FAT1: variants seen among roughly 807,000 people sequenced by gnomAD.
FAT1 encodes FAT atypical cadherin 1, also known as protocadherin Fat 1.
A neutral mutation model predicts 329.8 loss-of-function variants in FAT1; 171 were observed. The ratio of observed to expected loss-of-function variants is 0.52; its 90% confidence interval spans 0.46 to 0.59. The LOEUF is 0.59. FAT1 is among the 20% of genes least tolerant of loss of function. The pLI is 0.00. For synonymous variants in FAT1, 2,233 were observed against 2,228.6 expected (o/e 1.00, Z -0.06); for missense variants, 5,672 against 5,774.4 (o/e 0.98, Z 0.57).
chr4:186,706,728 A>G lies in FAT1; in HGVS notation c.3100T>C (p.Phe1034Leu). 6.2e-7 allele frequency: 1 copy of G among 1,613,932 alleles called. No homozygotes were observed. Among genetic ancestry groups the G allele is most frequent in the South Asian group, 1.1e-5 (1 of 91,080 alleles). ...DVNENLHPPVFSSFVEKGTVK... is the reference protein window; with the variant it reads ...DVNENLHPPVLSSFVEKGTVK... ...GTCCCCTTTTCCACAAAGCTGGAAA[A>G]CACGGGTGGGTGCAGGTTCTCATTC... is the stretch of plus-strand genomic sequence containing the variant. The change falls in exon 2 of 27, where the codon TTT (phenylalanine) becomes CTT (leucine). Residue 1034 changes from phenylalanine (F) to leucine (L), a missense_variant. By Grantham distance (22) the Phe-to-Leu change is conservative. Around this residue, in one of 2 missense-constraint regions of FAT1, gnomAD observed 3,966 missense variants for 3,915.2 expected, o/e 1.01. Coordinates refer to ENST00000441802, the MANE Select transcript of FAT1 (RefSeq NM_005245.4).
At chr4:186,667,062 G>A (rs1320950367) in intron 2 of FAT1, among the ~76,000 whole-genome samples, 1 of 152,170 alleles carries the variant, frequency 6.6e-6, no homozygotes, top group Non-Finnish European at 1.5e-5. Flanking sequence ...TGTATTAAAT[G>A]TTCACTCATA....
In FAT1 at chr4:186,693,434, C is replaced by T. The variant is rs149564498; in HGVS notation, c.3265+13129G>A. Among the ~76,000 whole-genome samples, 80 of 105,198 alleles carry T rather than the reference C, an allele frequency of 7.6e-4. 11 individuals carry two copies. The highest frequency in any genetic ancestry group is 2.5e-3 in the Admixed American group (29 of 11,550). The allele number at this position is 105,198 out of a possible 152,430, so 69.0% of individuals were successfully genotyped here. A position where few individuals can be genotyped will look rare whatever the true frequency, so the allele number is the denominator to read the frequency against. On this transcript the variant is annotated intron_variant, in intron 2 of 26. Transcript: ENST00000441802. ...GGAGGAGTTCTGAGCCTTGGCCCAG[C>T]GGATTTGCTGCTTTCCTCGAGCACC...
chr4:186,678,113 A>C (rs1743037223), intron 2 of FAT1, among the ~76,000 whole-genome samples: 1 of 152,202 alleles, frequency 6.6e-6, no homozygotes, highest in Admixed American at 6.5e-5. Context: ...TAATAAAATA[A>C]AGTGATAACA....
rs1744817247 is a variant in FAT1 at position 186,709,189 on chromosome 4, T to C, written c.639A>G (p.Leu213=). 1 of 1,613,896 alleles carries C rather than the reference T, an allele frequency of 6.2e-7. No individual in the cohort carries two copies. The highest frequency in any genetic ancestry group is 8.5e-7 in the Non-Finnish European group (1 of 1,179,904). Residue 213 remains leucine (L), a synonymous_variant, in exon 2 of 27, where the codon CTA becomes CTG. Transcript: ENST00000441802. ...TTTCCATCTCATAGAGCTTGGTCTC[T>C]AGGTAATCAAGTCTACCAGTTAACA... ...VIVLTGRLDY[L]ETKLYEMEIL...
intron 11 of FAT1, among the ~76,000 whole-genome samples, chr4:186,616,167 G>A (rs1739700681): frequency 6.6e-6 from 1 of 152,024 alleles, no homozygotes; most frequent in African/African-American, 2.4e-5. Flanking sequence ...TAATGGGCAC[G>A]ATGCTTCCAA....
At chr4:186,593,183 A>G (rs1738325490) in intron 26 of FAT1, among the ~76,000 whole-genome samples, 1 of 152,200 alleles carries the variant, frequency 6.6e-6, no homozygotes, top group Non-Finnish European at 1.5e-5. Flanking sequence ...AAAGAAATTG[A>G]AGGAGAAACA....
In FAT1 at chr4:186,603,975, C is replaced by T. The variant is rs1248876038; in HGVS notation, c.10551G>A (p.Val3517=). 4 of 1,604,090 alleles carry T rather than the reference C, an allele frequency of 2.5e-6. No individual in the cohort carries two copies. Among genetic ancestry groups the T allele is most frequent in the East Asian group, 4.5e-5 (2 of 44,694 alleles). The change falls in exon 19 of 27, where the codon GTG becomes GTA. Residue 3517 remains valine (V), a splice_region_variant and synonymous_variant. Transcript: ENST00000441802. ...EKDHYLLQVK[V]ADNGKPQLSS... is the part of the protein sequence containing the mutation. ...ACAACTGAGGCTTTCCATTATCTGC[C>T]ACCTACAAGAAAAGAAAAATAAAAT...
rs993473254 is a variant in FAT1 at position 186,709,169 on chromosome 4, A to G, written c.659T>C (p.Met220Thr). 1 of 1,613,862 alleles carries G rather than the reference A, an allele frequency of 6.2e-7. No homozygotes were observed. Among genetic ancestry groups the G allele is most frequent in the African/African-American group, 1.3e-5 (1 of 74,918 alleles). The part of the protein sequence containing the change: ...LDYLETKLYE[M>T]EILAADRGMK... ...GCCACGGTCCGCAGCGAGGATTTCC[A>G]TCTCATAGAGCTTGGTCTCTAGGTA... Residue 220 changes from methionine to threonine, a missense_variant, in exon 2 of 27, where the codon ATG (methionine) becomes ACG (threonine). Met to Thr is a moderately conservative substitution (Grantham distance 81). Around this residue, in one of 2 missense-constraint regions of FAT1, gnomAD observed 3,966 missense variants for 3,915.2 expected, o/e 1.01. Transcript: ENST00000441802.
rs987109572 is a variant in FAT1 at position 186,695,566 on chromosome 4, T to TA, written c.3265+10996dup. ...TAAGCGTTTCCCTTTAGTATTTTGTTACAATCTATTTCCATTTTAAATTTT... is the reference window on the plus strand; with the variant it reads ...TAAGCGTTTCCCTTTAGTATTTTGTTAACAATCTATTTCCATTTTAAATTTT... On this transcript the variant is annotated intron_variant, in intron 2 of 26. Coordinates refer to ENST00000441802, the MANE Select transcript of FAT1 (RefSeq NM_005245.4). Among the ~76,000 whole-genome samples the TA allele has an allele frequency of 6.5e-4, 99 of 152,256 alleles. 1 individual carries two copies. The highest frequency in any genetic ancestry group is 2.3e-3 in the African/African-American group (96 of 41,532).
intron 2 of FAT1, among the ~76,000 whole-genome samples, chr4:186,675,305 G>GAA (rs34225137): frequency 1.4e-5 from 2 of 143,504 alleles, no homozygotes; most frequent in Non-Finnish European, 3.1e-5. Context: ...ATCTCATTAA[G>GAA]AAAAAAAAAA....
intron 9 of FAT1, among the ~76,000 whole-genome samples, chr4:186,624,714 G>A (rs1054659226): frequency 6.6e-5 from 10 of 152,264 alleles, no homozygotes; most frequent in African/African-American, 2.4e-4. Flanking sequence ...GTTACGTACT[G>A]AATTTGTAAC....
intron 2 of FAT1, among the ~76,000 whole-genome samples, chr4:186,676,627 T>C (rs1742969284): frequency 6.6e-6 from 1 of 152,218 alleles, no homozygotes; most frequent in Non-Finnish European, 1.5e-5. Flanking sequence ...TCAGTTGAAA[T>C]GACTAAGCCT....
intron 21 of FAT1, among the ~76,000 whole-genome samples, chr4:186,600,697 T>C (rs1271015553): frequency 6.6e-6 from 1 of 152,234 alleles, no homozygotes; most frequent in Admixed American, 6.5e-5. Context: ...ACATGTAGGA[T>C]GTCTCTATAA....
intron 20 of FAT1, chr4:186,601,791 AAAG>A (rs758207519): frequency 7.3e-5 from 12 of 165,064 alleles, no homozygotes; most frequent in Non-Finnish European, 1.6e-4. Flanking sequence ...CCCATTCCCC[AAAG>A]AAGATGCAAA....
At chr4:186,671,995 C>A (rs1742753785) in intron 2 of FAT1, among the ~76,000 whole-genome samples, 2 of 152,154 alleles carry the variant, frequency 1.3e-5, no homozygotes, top group African/African-American at 4.8e-5. Flanking sequence ...GGGAATGACA[C>A]AGGAAATGCT....
At chr4:186,698,783 C>T (rs918508701) in intron 2 of FAT1, among the ~76,000 whole-genome samples, 2 of 152,190 alleles carry the variant, frequency 1.3e-5, no homozygotes, top group Non-Finnish European at 2.9e-5. Flanking sequence ...GGACCCCGTG[C>T]GATGGGAGAC....
intron 3 of FAT1, among the ~76,000 whole-genome samples, chr4:186,645,524 G>C (rs942658544): frequency 6.7e-6 from 1 of 150,202 alleles, no homozygotes; most frequent in East Asian, 2.0e-4. Flanking sequence ...GGCTTAGAGA[G>C]ATTAAGTTGC....
chr4:186,671,245 T>C (rs1024322062), intron 2 of FAT1, among the ~76,000 whole-genome samples: 10 of 152,186 alleles, frequency 6.6e-5, no homozygotes, highest in Admixed American at 6.5e-4. Context: ...TAAGAAACTT[T>C]ACATGTTAAA....
chr4:186,684,481 CCTGCCTCCGCCCGAACA>C (rs1743372428), intron 2 of FAT1, among the ~76,000 whole-genome samples: 1 of 152,166 alleles, frequency 6.6e-6, no homozygotes, highest in Non-Finnish European at 1.5e-5. Context: ...CCGGGATGCA[CCTGCCTCCGCCCGAACA>C]CTGCCATGCA....
Sources: gnomAD v4.1 joint callset for allele counts (sites outside exome capture counted in the v4.1 genomes callset) on GRCh38, gnomAD v4.1.1 for gene constraint, gnomAD v4.1.1 regional missense constraint, MANE v1.5 for transcripts, NCBI Gene and HGNC (gene_info 2026-07-23, HGNC 2026-07-21) for gene names.